CSTPP1: variants seen among roughly 807,000 people sequenced by gnomAD.
CSTPP1 encodes UPF0705 protein C11orf49.
chr11:47,099,442 T>C, the CSTPP1 span, among the ~76,000 whole-genome samples: 2 of 152,152 alleles, frequency 1.3e-5, no homozygotes, highest in Non-Finnish European at 2.9e-5. Flanking sequence ...AACAAAGCCT[T>C]TACCAGAGTG....
chr11:47,103,439 T>G, the CSTPP1 span, among the ~76,000 whole-genome samples: 1 of 151,126 alleles, frequency 6.6e-6, no homozygotes, highest in Admixed American at 6.6e-5. Context: ...GTCAAGAAAA[T>G]TGATGGGAAT....
chr11:47,049,324 A>G, the CSTPP1 span, among the ~76,000 whole-genome samples: 1 of 151,834 alleles, frequency 6.6e-6, no homozygotes, highest in South Asian at 2.1e-4. Context: ...GATAATGAGT[A>G]TTTTCAGACA....
At chr11:47,157,310 C>A in the CSTPP1 span, 3 of 1,378,304 alleles carry the variant, frequency 2.2e-6, no homozygotes, top group African/African-American at 3.0e-5. Context: ...TTCTGCGCGG[C>A]CCAGGCATTC....
the CSTPP1 span, among the ~76,000 whole-genome samples, chr11:46,969,189 GT>G: frequency 1.3e-5 from 2 of 151,880 alleles, no homozygotes; most frequent in African/African-American, 2.4e-5. Flanking sequence ...ATACAGTGGG[GT>G]TTTTTTTCTT....
the CSTPP1 span, among the ~76,000 whole-genome samples, chr11:47,042,470 TGA>T: frequency 1.1e-4 from 17 of 149,588 alleles, no homozygotes; most frequent in Admixed American, 1.3e-4. Flanking sequence ...TGTGTGTGTG[TGA>T]GAGAGAGAGA....
the CSTPP1 span, among the ~76,000 whole-genome samples, chr11:46,981,614 T>C: frequency 6.6e-6 from 1 of 152,086 alleles, no homozygotes; most frequent in Admixed American, 6.6e-5. Flanking sequence ...GGTTTTTGGA[T>C]TTTTCTTGTT....
chr11:46,939,583 A>G, the CSTPP1 span, among the ~76,000 whole-genome samples: 552 of 152,060 alleles, frequency 3.6e-3, 1 homozygote, highest in Middle Eastern at 6.8e-3. Flanking sequence ...TGAGGTCAGG[A>G]GTTCAAGACC....
the CSTPP1 span, among the ~76,000 whole-genome samples, chr11:46,954,243 A>G: frequency 2.6e-5 from 4 of 152,222 alleles, no homozygotes; most frequent in Non-Finnish European, 5.9e-5. Flanking sequence ...TGTCACAAAT[A>G]ATGCATAAGA....
the CSTPP1 span, chr11:47,159,673 A>G: frequency 6.6e-6 from 3 of 456,278 alleles, no homozygotes; most frequent in Non-Finnish European, 1.3e-5. Flanking sequence ...ACTGGGTCAC[A>G]GCCTGAAGTA....
the CSTPP1 span, among the ~76,000 whole-genome samples, chr11:46,995,809 T>C: frequency 6.6e-6 from 1 of 152,194 alleles, no homozygotes; most frequent in East Asian, 1.9e-4. Context: ...GGTGCAGAGC[T>C]GAGTTCAATT....
chr11:46,953,254 C>T, the CSTPP1 span, among the ~76,000 whole-genome samples: 3 of 151,984 alleles, frequency 2.0e-5, no homozygotes, highest in Admixed American at 6.6e-5. Context: ...AGGCTAGATT[C>T]GTTTCAAGAA....
chr11:47,038,838 AG>A, the CSTPP1 span, among the ~76,000 whole-genome samples: 1 of 114,196 alleles, frequency 8.8e-6, no homozygotes, highest in Non-Finnish European at 2.1e-5. Context: ...GGCGGTTGCC[AG>A]GCAGAGGGTC....
the CSTPP1 span, among the ~76,000 whole-genome samples, chr11:46,947,705 C>T: frequency 6.6e-6 from 1 of 152,168 alleles, no homozygotes; most frequent in Admixed American, 6.5e-5. Flanking sequence ...TATTGTGTAA[C>T]TCAAGGTCTC....
chr11:46,950,462 C>T, the CSTPP1 span, among the ~76,000 whole-genome samples: 2 of 151,976 alleles, frequency 1.3e-5, no homozygotes, highest in South Asian at 2.1e-4. Context: ...CATGAGCCAC[C>T]GCGCCCGGCC....
the CSTPP1 span, among the ~76,000 whole-genome samples, chr11:47,036,948 T>C: frequency 0.11 from 14,321 of 126,816 alleles, 3,053 homozygotes; most frequent in African/African-American, 0.33. Context: ...CCCAAAGTGC[T>C]GGGATTACAG....
the CSTPP1 span, among the ~76,000 whole-genome samples, chr11:47,023,038 T>A: frequency 6.6e-6 from 1 of 152,208 alleles, no homozygotes; most frequent in Non-Finnish European, 1.5e-5. Flanking sequence ...TTTGTAGGTC[T>A]GGGTTGGGGC....
At chr11:47,163,153 C>G in the CSTPP1 span, among the ~76,000 whole-genome samples, 1 of 143,546 alleles carries the variant, frequency 7.0e-6, no homozygotes, top group Non-Finnish European at 1.5e-5. Flanking sequence ...GTCTGAGTGA[C>G]TGACAGAATG....
At chr11:46,950,926 C>G in the CSTPP1 span, among the ~76,000 whole-genome samples, 1 of 152,150 alleles carries the variant, frequency 6.6e-6, no homozygotes, top group South Asian at 2.1e-4. Context: ...CAGGCCTGGC[C>G]TGGAAACTGT....
chr11:46,972,754 C>T, the CSTPP1 span, among the ~76,000 whole-genome samples: 1 of 152,228 alleles, frequency 6.6e-6, no homozygotes, highest in South Asian at 2.1e-4. Context: ...CAGAATGTTT[C>T]CTCAGTTAGT....
Sources: allele counts gnomAD v4.1 joint callset (sites outside exome capture counted in the v4.1 genomes callset), GRCh38; gene constraint gnomAD v4.1.1; transcripts MANE v1.5; gene names NCBI Gene and HGNC (gene_info 2026-07-23, HGNC 2026-07-21).